The following AKAP1 variants were observed in gnomAD, a reference collection of about 807,000 sequenced individuals.
AKAP1 encodes A-kinase anchoring protein 1.
In AKAP1, 32 loss-of-function variants were observed where a neutral mutation model predicts 79.8. The observed-to-expected ratio is 0.40, with a 90% CI of 0.30 to 0.54. The LOEUF (loss-of-function observed/expected upper bound fraction) is 0.54, where lower values mean the gene tolerates loss of function less well. Among genes scored for constraint, AKAP1 ranks in the 20% least tolerant of loss-of-function variants. The pLI, the probability that AKAP1 is intolerant of heterozygous loss-of-function variation, is 0.47. For synonymous variants in AKAP1, 416 were observed against 466.7 expected (o/e 0.89, Z 1.40); for missense variants, 961 against 1,138.9 (o/e 0.84, Z 2.25).
chr17:57,104,722 C>T (rs887374420), intron 1 of AKAP1, among the ~76,000 whole-genome samples: 4 of 152,190 alleles, frequency 2.6e-5, no homozygotes, highest in African/African-American at 9.7e-5. Flanking sequence ...AGATCAGAAT[C>T]CAAAATTGGA....
At position 57,106,563 on chromosome 17, in the gene AKAP1, A is replaced by G. The variant is rs1279380010; in HGVS notation, c.1099A>G (p.Thr367Ala). The G allele has an allele frequency of 3.1e-6, 5 of 1,614,116 alleles. No homozygotes were observed. The African/African-American group carries it at 6.7e-5, about 22-fold the overall frequency. ...SEATEQVLAT[T>A]VGKVAGRVCQ... Reference sequence around the variant, plus strand: ...AGCAACCGAACAGGTGCTGGCCACCACGGTTGGCAAGGTTGCAGGTCGTGT... The same window carrying G: ...AGCAACCGAACAGGTGCTGGCCACCGCGGTTGGCAAGGTTGCAGGTCGTGT... The change falls in exon 2 of 11, where the codon ACG (threonine) becomes GCG (alanine). Residue 367 changes from threonine to alanine, a missense_variant. Transcript: ENST00000337714.
chr17:57,096,919 G>T (rs757786714), intron 1 of AKAP1, among the ~76,000 whole-genome samples: 2 of 152,122 alleles, frequency 1.3e-5, no homozygotes, highest in Non-Finnish European at 2.9e-5. Flanking sequence ...TAGTCACACT[G>T]GTCACATTTC....
chr17:57,099,878 A>G (rs1914375395), intron 1 of AKAP1, among the ~76,000 whole-genome samples: 1 of 152,180 alleles, frequency 6.6e-6, no homozygotes, highest in South Asian at 2.1e-4. Flanking sequence ...GACCAAAGCC[A>G]GGGCAGAGGT....
chr17:57,101,484 C>T (rs1347971130), intron 1 of AKAP1: 6 of 151,732 alleles, frequency 4.0e-5, no homozygotes, highest in African/African-American at 1.5e-4. Flanking sequence ...TATGAGCCAC[C>T]ACACCTGGCC....
At chr17:57,102,411 A>G (rs540545249) in intron 1 of AKAP1, among the ~76,000 whole-genome samples, 1 of 151,776 alleles carries the variant, frequency 6.6e-6, no homozygotes, top group East Asian at 1.9e-4. Flanking sequence ...GTTCTAGAAT[A>G]ATGGGTTCCA....
chr17:57,087,251 A>T (rs1351681476), intron 1 of AKAP1, among the ~76,000 whole-genome samples: 1 of 152,190 alleles, frequency 6.6e-6, no homozygotes, highest in Non-Finnish European at 1.5e-5. Context: ...AATGAGTGAG[A>T]CAGGTCTAAT....
At chr17:57,089,803 C>A (rs1318156764) in intron 1 of AKAP1, among the ~76,000 whole-genome samples, 1 of 152,168 alleles carries the variant, frequency 6.6e-6, no homozygotes, top group Non-Finnish European at 1.5e-5. Context: ...AGTTTTGAAA[C>A]AGTTTGAGTG....
chr17:57,101,225 A>G (rs938598198), intron 1 of AKAP1, among the ~76,000 whole-genome samples: 3 of 152,098 alleles, frequency 2.0e-5, no homozygotes, highest in Non-Finnish European at 2.9e-5. Context: ...TCTTCCCCCC[A>G]GGATGGGGTC....
chr17:57,110,562 A>G (rs996746505), intron 3 of AKAP1, among the ~76,000 whole-genome samples: 2 of 152,236 alleles, frequency 1.3e-5, no homozygotes, highest in Non-Finnish European at 2.9e-5. Context: ...GCATAAATCC[A>G]TATTTTAGAG....
chr17:57,099,691 G>T (rs567377475), intron 1 of AKAP1, among the ~76,000 whole-genome samples: 2 of 152,328 alleles, frequency 1.3e-5, no homozygotes, highest in African/African-American at 4.8e-5. Flanking sequence ...AAGCTGGGCA[G>T]GGAGGGCTAG....
Position 57,120,764 on chromosome 17 carries a change from G to T in AKAP1, c.*440G>T. The T allele has an allele frequency of 6.3e-6, 1 of 157,860 alleles. No individual in the cohort carries two copies. 9.8% of individuals were successfully genotyped at this position (157,860 alleles called of 1,614,324 possible). On this transcript the variant is annotated 3_prime_UTR_variant, in exon 11 of 11. Transcript: ENST00000337714. ...AATCTTTCTTCAGGGAGCAAGACATGAACTGACTAATTGGTATCCACTACT... is the reference window on the plus strand; with the variant it reads ...AATCTTTCTTCAGGGAGCAAGACATTAACTGACTAATTGGTATCCACTACT...
intron 5 of AKAP1, 65 bp from the exon 6 acceptor site, chr17:57,114,394 G>T: frequency 6.4e-7 from 1 of 1,572,066 alleles, no homozygotes; most frequent in Non-Finnish European, 8.7e-7. Flanking sequence ...CTTGGGTCTC[G>T]GGACTTATTC....
In AKAP1 at chr17:57,112,485, A is replaced by G. The variant is rs9890074; in HGVS notation, c.1976-6A>G. The G allele has an allele frequency of 4.7e-3, 7,618 of 1,613,198 alleles. 255 individuals carry two copies. The African/African-American group carries it at 0.074, about 16-fold the overall frequency. Reference sequence around the variant, plus strand: ...ATTGTATGTCCTGCCCCCATCCGCTATTTAGGCTCTCAACATCATGTAGAC... The same window carrying G: ...ATTGTATGTCCTGCCCCCATCCGCTGTTTAGGCTCTCAACATCATGTAGAC... On this transcript the variant is annotated splice_region_variant and splice_polypyrimidine_tract_variant and intron_variant, in intron 4 of 10. Transcript: ENST00000337714.
Position 57,106,957 on chromosome 17 carries a change from T to G in AKAP1, c.1493T>G (p.Val498Gly), listed in dbSNP as rs765610152. The change falls in exon 2 of 11, where the codon GTC becomes GGC. Residue 498 changes from valine to glycine, a missense_variant. By Grantham distance (109) the Val-to-Gly change is moderately radical. Coordinates refer to ENST00000337714, the MANE Select transcript of AKAP1 (RefSeq NM_003488.4). ...VTCMSDSSQS[V>G]PLVASPGHCS... The stretch of plus-strand genomic sequence containing the variant: ...TGCATGTCAGACAGCAGCCAAAGTG[T>G]CCCTTTGGTGGCTTCTCCAGGACAC... 3.1e-6 allele frequency: 5 copies of G among 1,613,910 alleles called. No homozygotes were observed. In the Admixed American group the frequency reaches 6.7e-5, roughly 22 times the overall value.
In AKAP1 at chr17:57,111,821, C is replaced by T. The variant is rs751908509; in HGVS notation, c.1872C>T (p.Gly624=). Residue 624 remains glycine (G), a synonymous_variant, in exon 4 of 11, where the codon GGC becomes GGT. Transcript: ENST00000337714. ...VPKHLVGRLI[G]KQGRYVSFLK... is the part of the protein sequence containing the mutation. ...AGCACTTAGTCGGTCGGCTAATTGG[C>T]AAGCAGGGGCGCTATGTGAGTTTTC... is the stretch of plus-strand genomic sequence containing the variant. The T allele has an allele frequency of 6.2e-7, 1 of 1,614,076 alleles. No individual in the cohort carries two copies. Among genetic ancestry groups the T allele is most frequent in the Non-Finnish European group, 8.5e-7 (1 of 1,180,024 alleles).
chr17:57,101,051 T>G (rs1294070704), intron 1 of AKAP1, among the ~76,000 whole-genome samples: 1 of 152,190 alleles, frequency 6.6e-6, no homozygotes, highest in African/African-American at 2.4e-5. Context: ...ATAAAATTAT[T>G]TTTATTGGGC....
chr17:57,100,384 G>A (rs932024601), intron 1 of AKAP1, among the ~76,000 whole-genome samples: 3 of 151,496 alleles, frequency 2.0e-5, no homozygotes, highest in African/African-American at 4.9e-5. Flanking sequence ...TCAGGAGTTC[G>A]AGCCCAGCCT....
chr17:57,112,072 C>A, intron 4 of AKAP1, 148 bp downstream of exon 4: 2 of 1,105,450 alleles, frequency 1.8e-6, no homozygotes, highest in African/African-American at 1.6e-5. Context: ...TCCCTGCAGC[C>A]TTTTCCCCAT....
chr17:57,117,829 T>C (rs1419343546), intron 8 of AKAP1, among the ~76,000 whole-genome samples: 1 of 152,140 alleles, frequency 6.6e-6, no homozygotes, highest in Non-Finnish European at 1.5e-5. Context: ...TATGGTGTTC[T>C]ATGTAACTTT....
Sources: gnomAD v4.1 joint callset for allele counts (sites outside exome capture counted in the v4.1 genomes callset) on GRCh38, gnomAD v4.1.1 for gene constraint, MANE v1.5 for transcripts, NCBI Gene and HGNC (gene_info 2026-07-23, HGNC 2026-07-21) for gene names.